Variants in FSTL5 observed in about 807,000 individuals in gnomAD.
FSTL5 encodes follistatin-related protein 5.
Under a neutral mutation model 89.1 loss-of-function variants are expected in FSTL5, and 62 were observed. The observed-to-expected ratio is 0.70, with a 90% CI of 0.57 to 0.86. FSTL5 has a LOEUF of 0.86. Ranked by LOEUF, FSTL5 falls within the 40% of genes least tolerant of loss-of-function variation. The pLI is 0.00. For synonymous variants in FSTL5, 383 were observed against 346.2 expected (o/e 1.11, Z -1.18); for missense variants, 1,057 against 1,001.6 (o/e 1.06, Z -0.75).
At chr4:161,908,908 C>CT (rs1448205125) in intron 4 of FSTL5, among the ~76,000 whole-genome samples, 2 of 152,126 alleles carry the variant, frequency 1.3e-5, no homozygotes, top group South Asian at 4.2e-4. Context: ...TGTCAATCTC[C>CT]TTTTTTTGGC....
chr4:161,456,425 C>T (rs1733355374), intron 14 of FSTL5, among the ~76,000 whole-genome samples: 1 of 152,120 alleles, frequency 6.6e-6, no homozygotes, highest in Admixed American at 6.5e-5. Flanking sequence ...ACATATTTTG[C>T]TTTCGTATTT....
chr4:161,957,049 G>A (rs1054117470), intron 3 of FSTL5, among the ~76,000 whole-genome samples: 1 of 151,914 alleles, frequency 6.6e-6, no homozygotes, highest in Non-Finnish European at 1.5e-5. Context: ...AAAGTGAGTA[G>A]TTAGGTAAAA....
At chr4:161,656,568 A>G in intron 6 of FSTL5, 74 bp from the exon 7 acceptor site, 2 of 874,784 alleles carry the variant, frequency 2.3e-6, no homozygotes, top group Non-Finnish European at 1.6e-6. Flanking sequence ...ATTTCTGAAT[A>G]CTAGTAATTA....
intron 1 of FSTL5, among the ~76,000 whole-genome samples, chr4:162,137,046 A>C (rs1732547100): frequency 6.6e-6 from 1 of 152,046 alleles, no homozygotes; most frequent in Admixed American, 6.6e-5. Context: ...GCAAAACAAA[A>C]CTGAAAAAAA....
At chr4:162,163,430 T>C (rs1733766330) in intron 1 of FSTL5, among the ~76,000 whole-genome samples, 185 bp downstream of exon 1, 2 of 128,036 alleles carry the variant, frequency 1.6e-5, no homozygotes, top group South Asian at 5.0e-4. Context: ...CACTAACAGA[T>C]TGTCTTGTAA....
At chr4:161,821,014 A>T (rs1730477184) in intron 4 of FSTL5, among the ~76,000 whole-genome samples, 1 of 150,538 alleles carries the variant, frequency 6.6e-6, no homozygotes, top group Non-Finnish European at 1.5e-5. Flanking sequence ...TTAAGATAGT[A>T]TTTAATTAAA....
At chr4:162,128,218 A>G (rs553252812) in intron 1 of FSTL5, among the ~76,000 whole-genome samples, 2 of 152,218 alleles carry the variant, frequency 1.3e-5, no homozygotes, top group Non-Finnish European at 2.9e-5. Context: ...GTATTTTTAC[A>G]TATTTGTAGA....
chr4:162,072,809 A>C (rs559457184), intron 2 of FSTL5, among the ~76,000 whole-genome samples: 1 of 151,918 alleles, frequency 6.6e-6, no homozygotes, highest in African/African-American at 2.4e-5. Flanking sequence ...AAATTGACAT[A>C]TAAATCGGTA....
chr4:161,999,268 C>T (rs1736390763), intron 3 of FSTL5, among the ~76,000 whole-genome samples: 1 of 152,014 alleles, frequency 6.6e-6, no homozygotes, highest in South Asian at 2.1e-4. Flanking sequence ...TGGATAAATG[C>T]TATGACATGT....
At chr4:161,486,390 A>T (rs1019361583) in intron 12 of FSTL5, among the ~76,000 whole-genome samples, 1 of 152,190 alleles carries the variant, frequency 6.6e-6, no homozygotes, top group Non-Finnish European at 1.5e-5. Flanking sequence ...AAGAAAACAG[A>T]TGTTGAGACA....
At chr4:161,920,106 T>C (rs1733950175) in intron 4 of FSTL5, among the ~76,000 whole-genome samples, 1 of 152,194 alleles carries the variant, frequency 6.6e-6, no homozygotes, top group African/African-American at 2.4e-5. Context: ...GCCTGTAGAC[T>C]GAATTGGCCA....
At chr4:161,520,061 A>G (rs1412731571) in intron 10 of FSTL5, among the ~76,000 whole-genome samples, 1 of 152,116 alleles carries the variant, frequency 6.6e-6, no homozygotes, top group Non-Finnish European at 1.5e-5. Flanking sequence ...AACATTGCAA[A>G]AAAGTATACC....
At chr4:161,624,071 G>A (rs1735228214) in intron 7 of FSTL5, among the ~76,000 whole-genome samples, 1 of 151,910 alleles carries the variant, frequency 6.6e-6, no homozygotes, top group Non-Finnish European at 1.5e-5. Context: ...GGAGAAAAAT[G>A]CTTCCACATG....
chr4:161,985,448 A>T (rs981289701), intron 3 of FSTL5, among the ~76,000 whole-genome samples: 3 of 152,040 alleles, frequency 2.0e-5, no homozygotes, highest in Non-Finnish European at 4.4e-5. Context: ...CAATTATTCC[A>T]TCTATTAATA....
intron 3 of FSTL5, 86 bp downstream of exon 3, chr4:162,033,539 A>G: frequency 1.5e-6 from 1 of 686,828 alleles, no homozygotes; most frequent in Non-Finnish European, 2.4e-6. Context: ...CTCATTTTTG[A>G]CTTTTTATTC....
intron 3 of FSTL5, among the ~76,000 whole-genome samples, chr4:161,948,476 C>CTT (rs1354270532): frequency 9.7e-6 from 1 of 103,620 alleles, no homozygotes. Flanking sequence ...GAATTTTTTT[C>CTT]TTTTCTTTCT....
intron 3 of FSTL5, among the ~76,000 whole-genome samples, chr4:162,003,601 C>A (rs144289893): frequency 2.0e-5 from 3 of 151,942 alleles, no homozygotes; most frequent in African/African-American, 7.3e-5. Context: ...TTACTCACAA[C>A]GAATGACATG....
At chr4:162,108,887 C>T (rs1464441024) in intron 2 of FSTL5, among the ~76,000 whole-genome samples, 1 of 151,928 alleles carries the variant, frequency 6.6e-6, no homozygotes. Context: ...TGAACGTGTA[C>T]CATGTGCCCA....
chr4:161,879,533 G>C (rs1732559013), intron 4 of FSTL5, among the ~76,000 whole-genome samples: 1 of 152,148 alleles, frequency 6.6e-6, no homozygotes, highest in Non-Finnish European at 1.5e-5. Flanking sequence ...CTCCGCAAGA[G>C]CCTGTCTCTG....
Sources: allele counts gnomAD v4.1 joint callset (sites outside exome capture counted in the v4.1 genomes callset), GRCh38; gene constraint gnomAD v4.1.1; transcripts MANE v1.5; gene names NCBI Gene and HGNC (gene_info 2026-07-23, HGNC 2026-07-21).